The following ZFHX3 variants were observed in gnomAD, a reference collection of about 807,000 sequenced individuals.
The protein encoded by ZFHX3 is zinc finger homeobox 3, also known as zinc finger homeobox protein 3.
A neutral mutation model predicts 279.1 loss-of-function variants in ZFHX3; 42 were observed. The ratio of observed to expected loss-of-function variants is 0.15; its 90% CI spans 0.12 to 0.19. ZFHX3 has a LOEUF of 0.19. ZFHX3 is among the 10% of genes least tolerant of loss of function. The pLI, the probability that ZFHX3 is intolerant of heterozygous loss-of-function variation, is 1.00. For synonymous variants in ZFHX3, 2,293 were observed against 1,957.8 expected (o/e 1.17, Z -4.52); for missense variants, 4,981 against 4,754.0 (o/e 1.05, Z -1.40).
rs562091471 is a variant in ZFHX3, at chr16:73,545,870, T to A, written c.-1546-89612A>T. Among the ~76,000 whole-genome samples the A allele has an allele frequency of 4.6e-5, 7 of 152,024 alleles. No homozygotes were observed. The South Asian group carries it at 1.5e-3, about 32-fold the overall frequency. ...CAGATCCTATCTGCATTAATTTGGCTGAACAACAAGATATTGCAGGGGACA... is the reference window on the plus strand; with the variant it reads ...CAGATCCTATCTGCATTAATTTGGCAGAACAACAAGATATTGCAGGGGACA... On this transcript the variant is annotated intron_variant, in intron 2 of 17. Coordinates refer to the ZFHX3 transcript ENST00000641206.
At chr16:73,860,339 T>A (rs1306463517) in intron 1 of ZFHX3, among the ~76,000 whole-genome samples, 1 of 152,162 alleles carries the variant, frequency 6.6e-6, no homozygotes, top group Non-Finnish European at 1.5e-5. Flanking sequence ...CTTGCAACTT[T>A]TCAAACTCTT....
At chr16:72,930,247 AT>A (rs1200149182) in intron 3 of ZFHX3, among the ~76,000 whole-genome samples, 1 of 152,086 alleles carries the variant, frequency 6.6e-6, no homozygotes, top group Admixed American at 6.6e-5. Flanking sequence ...ATAAAATAAA[AT>A]AATATACTTC....
intron 1 of ZFHX3, among the ~76,000 whole-genome samples, chr16:73,791,858 C>T (rs1959834750): frequency 6.6e-6 from 1 of 152,174 alleles, no homozygotes. Context: ...TGCTAAATGG[C>T]ATAGTATTCT....
At chr16:73,557,103 A>AG (rs2020298591) in intron 2 of ZFHX3, among the ~76,000 whole-genome samples, 1 of 145,000 alleles carries the variant, frequency 6.9e-6, no homozygotes, top group African/African-American at 2.7e-5. Context: ...TCAAAAAAAA[A>AG]AAAAAAAAAA....
intron 3 of ZFHX3, among the ~76,000 whole-genome samples, chr16:73,416,810 C>T (rs989178938): frequency 2.0e-5 from 3 of 147,474 alleles, no homozygotes; most frequent in African/African-American, 4.9e-5. Flanking sequence ...GGAGGCGGAG[C>T]CTGCAGTGAG....
At chr16:73,309,501 T>C (rs2015272981) in intron 4 of ZFHX3, among the ~76,000 whole-genome samples, 1 of 152,152 alleles carries the variant, frequency 6.6e-6, no homozygotes, top group Admixed American at 6.5e-5. Flanking sequence ...AGGAAACTAG[T>C]CCACAGCAGT....
At chr16:73,310,064 A>G (rs952455336) in intron 4 of ZFHX3, among the ~76,000 whole-genome samples, 1 of 151,946 alleles carries the variant, frequency 6.6e-6, no homozygotes, top group Admixed American at 6.6e-5. Context: ...GCCCACCACC[A>G]CGCCTGGCTC....
intron 1 of ZFHX3, among the ~76,000 whole-genome samples, chr16:73,873,462 T>TTTTTTTTTTTTTTTTTTTTTGAGACGG (rs2029875404): frequency 6.6e-6 from 1 of 152,202 alleles, no homozygotes; most frequent in African/African-American, 2.4e-5. Flanking sequence ...TGTGTTTCTT[T>TTTTTTTTTTTTTTTTTTTTTGAGACGG]ATCCTAAGTG....
At chr16:73,396,404 T>G (rs1156511492) in intron 3 of ZFHX3, among the ~76,000 whole-genome samples, 1 of 144,260 alleles carries the variant, frequency 6.9e-6, no homozygotes, top group Non-Finnish European at 1.5e-5. Context: ...CATGTTTAAT[T>G]GTTAACTAGA....
intron 1 of ZFHX3, among the ~76,000 whole-genome samples, chr16:73,722,704 G>T (rs2053485060): frequency 6.6e-6 from 1 of 152,076 alleles, no homozygotes; most frequent in South Asian, 2.1e-4. Context: ...TAATGAAACT[G>T]CCTCCAATGA....
intron 5 of ZFHX3, among the ~76,000 whole-genome samples, chr16:73,229,129 A>C (rs1046583721): frequency 2.0e-5 from 3 of 152,190 alleles, no homozygotes; most frequent in African/African-American, 7.2e-5. Context: ...TAGGATTCTG[A>C]CTTGTGCTAC....
chr16:73,838,991 A>C lies in ZFHX3; in HGVS notation c.-1608+52660T>G, dbSNP rs114211159. On this transcript the variant is annotated intron_variant, in intron 1 of 17. Transcript: ENST00000641206. ...AAGAACCAGGATGTCAGAGACAGCT[A>C]AGGAGGAAAGCAGAATGAAATCCTA... is the stretch of plus-strand genomic sequence containing the variant. Among the ~76,000 whole-genome samples, 520 of 152,234 alleles carry C rather than the reference A, an allele frequency of 3.4e-3. 5 individuals carry two copies. Among genetic ancestry groups the C allele is most frequent in the African/African-American group, 0.012 (502 of 41,520 alleles).
chr16:73,021,532 C>A (rs946140355), intron 1 of ZFHX3, among the ~76,000 whole-genome samples: 11 of 152,002 alleles, frequency 7.2e-5, no homozygotes, highest in African/African-American at 2.7e-4. Context: ...TCGGGGTAGG[C>A]CTTAAATCAA....
intron 1 of ZFHX3, among the ~76,000 whole-genome samples, chr16:73,823,277 C>G (rs1344993132): frequency 6.6e-6 from 1 of 151,878 alleles, no homozygotes; most frequent in Non-Finnish European, 1.5e-5. Context: ...GTATGGCAGG[C>G]AGAGGAACTA....
chr16:72,831,433 T>C (rs2037057019), intron 4 of ZFHX3, among the ~76,000 whole-genome samples: 2 of 152,170 alleles, frequency 1.3e-5, no homozygotes, highest in Non-Finnish European at 1.5e-5. Context: ...TCTCCTTCTT[T>C]GTCTCACTGC....
intron 2 of ZFHX3, among the ~76,000 whole-genome samples, chr16:72,952,089 G>T (rs1051163068): frequency 2.0e-5 from 3 of 152,100 alleles, no homozygotes; most frequent in African/African-American, 4.8e-5. Flanking sequence ...ATATACAAAA[G>T]AAACTAGCCA....
chr16:73,610,737 G>C (rs571272043), intron 2 of ZFHX3, among the ~76,000 whole-genome samples: 1 of 152,328 alleles, frequency 6.6e-6, no homozygotes, highest in Admixed American at 6.5e-5. Context: ...GGGATAGAAA[G>C]GGATTGTTAC....
intron 2 of ZFHX3, among the ~76,000 whole-genome samples, chr16:73,516,541 T>C (rs1488075222): frequency 6.6e-6 from 1 of 152,180 alleles, no homozygotes; most frequent in Admixed American, 6.5e-5. Context: ...CTCATTGGAT[T>C]TAAGGCTTAG....
At chr16:73,345,458 T>C (rs2016106717) in intron 3 of ZFHX3, among the ~76,000 whole-genome samples, 1 of 142,242 alleles carries the variant, frequency 7.0e-6, no homozygotes, top group Non-Finnish European at 1.5e-5. Flanking sequence ...GTTCTCACTC[T>C]TCAGCTCCTA....
Sources: gnomAD v4.1 joint callset for allele counts (sites outside exome capture counted in the v4.1 genomes callset) on GRCh38, gnomAD v4.1.1 for gene constraint, MANE v1.5 for transcripts, NCBI Gene and HGNC (gene_info 2026-07-23, HGNC 2026-07-21) for gene names.